The following SPECC1L variants were observed in gnomAD, a reference collection of about 807,000 sequenced individuals.
SPECC1L encodes sperm antigen with calponin homology and coiled-coil domains 1 like.
A neutral mutation model predicts 116.8 loss-of-function variants in SPECC1L; 40 were observed. That is an observed-to-expected ratio of 0.34 (90% CI 0.27 to 0.45). The LOEUF is 0.45. Ranked by LOEUF, SPECC1L falls within the 20% of genes least tolerant of loss-of-function variation. The pLI is 1.00. For synonymous variants in SPECC1L, 504 were observed against 500.6 expected, an observed-to-expected ratio of 1.01 and a Z score of -0.09; for missense variants, 1,110 against 1,373.6, an observed-to-expected ratio of 0.81 and a Z score of 3.03.
intron 8 of SPECC1L, among the ~76,000 whole-genome samples, 169 bp downstream of exon 8, chr22:24,330,600 A>G (rs1456401216): frequency 6.6e-6 from 1 of 152,228 alleles, no homozygotes; most frequent in East Asian, 1.9e-4. Context: ...CATGTAAACT[A>G]GTACCATCTA....
intron 3 of SPECC1L, among the ~76,000 whole-genome samples, chr22:24,310,468 C>A (rs1318687334): frequency 7.2e-5 from 11 of 152,190 alleles, no homozygotes; most frequent in Admixed American, 7.2e-4. Context: ...CAAGGTGCAT[C>A]CCATCAGCAA....
At chr22:24,383,655 T>A (rs1482939649) in intron 14 of SPECC1L, among the ~76,000 whole-genome samples, 1 of 152,056 alleles carries the variant, frequency 6.6e-6, no homozygotes, top group East Asian at 1.9e-4. Context: ...TTGATTTTAT[T>A]TTTTGAGACA....
intron 11 of SPECC1L, among the ~76,000 whole-genome samples, chr22:24,351,432 A>ATT (rs1236924354): frequency 6.6e-6 from 1 of 152,228 alleles, no homozygotes; most frequent in Non-Finnish European, 1.5e-5. Flanking sequence ...TTAAGATTCT[A>ATT]TTCCTGGCTC....
At chr22:24,392,916 G>C (rs143968413) in intron 14 of SPECC1L, among the ~76,000 whole-genome samples, 42 of 152,242 alleles carry the variant, frequency 2.8e-4, no homozygotes, top group African/African-American at 9.6e-4. Flanking sequence ...CTAGACCTGT[G>C]GCCAGAGCAC....
chr22:24,364,066 A>G (rs1239558382), intron 12 of SPECC1L, among the ~76,000 whole-genome samples: 1 of 152,144 alleles, frequency 6.6e-6, no homozygotes, highest in East Asian at 1.9e-4. Context: ...CTGAGGTGAG[A>G]AAGAATCTGA....
At chr22:24,327,845 TG>T (rs1466652232) in intron 6 of SPECC1L, among the ~76,000 whole-genome samples, 6 of 152,250 alleles carry the variant, frequency 3.9e-5, no homozygotes, top group African/African-American at 1.4e-4. Flanking sequence ...TGTCGAGATG[TG>T]GTAATATTGG....
chr22:24,272,492 G>C (rs890676159), intron 1 of SPECC1L, among the ~76,000 whole-genome samples: 1 of 152,140 alleles, frequency 6.6e-6, no homozygotes, highest in African/African-American at 2.4e-5. Flanking sequence ...GGCCAACATG[G>C]TGAAACCCCG....
chr22:24,346,026 A>G (rs1265249411), intron 10 of SPECC1L, among the ~76,000 whole-genome samples: 1 of 144,204 alleles, frequency 6.9e-6, no homozygotes, highest in African/African-American at 2.6e-5. Flanking sequence ...TTTTTTTTTG[A>G]GATGGAGTCT....
intron 11 of SPECC1L, among the ~76,000 whole-genome samples, chr22:24,348,742 C>T (rs2041355542): frequency 6.6e-6 from 1 of 152,232 alleles, no homozygotes; most frequent in African/African-American, 2.4e-5. Context: ...CTTGCCATGG[C>T]CTGGCTGTTA....
At chr22:24,347,205 C>G (rs1455337998) in intron 11 of SPECC1L, 29 bp downstream of exon 11, 5 of 1,561,898 alleles carry the variant, frequency 3.2e-6, no homozygotes, top group Non-Finnish European at 4.4e-6. Flanking sequence ...AGCATTTCAC[C>G]TTTTTTTCAA....
At chr22:24,277,110 T>G (rs995640718) in intron 2 of SPECC1L, among the ~76,000 whole-genome samples, 2 of 152,206 alleles carry the variant, frequency 1.3e-5, no homozygotes, top group African/African-American at 4.8e-5. Flanking sequence ...ACTTACTGGG[T>G]TTTTCAACCC....
intron 3 of SPECC1L, among the ~76,000 whole-genome samples, chr22:24,303,853 G>A (rs1473398470): frequency 8.0e-6 from 1 of 125,636 alleles, no homozygotes; most frequent in African/African-American, 2.9e-5. Context: ...GGGTGTGTGT[G>A]TGTGTGTGTG....
At chr22:24,286,011 C>A (rs114249267) in intron 2 of SPECC1L, among the ~76,000 whole-genome samples, 65 of 152,312 alleles carry the variant, frequency 4.3e-4, no homozygotes, top group African/African-American at 1.5e-3. Context: ...TTTATTTAAG[C>A]TAAAATAATC....
rs777425631 is a variant in SPECC1L at position 24,302,245 on chromosome 22, G to T, written c.14G>T (p.Ser5Ile). The T allele has an allele frequency of 1.2e-6, 2 of 1,614,096 alleles. No individual in the cohort carries two copies. Among genetic ancestry groups the T allele is most frequent in the Admixed American group, 1.7e-5 (1 of 60,022 alleles). The change falls in exon 3 of 17, where the codon AGC (serine) becomes ATC (isoleucine). Residue 5 changes from serine (S) to isoleucine (I), a missense_variant. Ser to Ile is a moderately radical substitution (Grantham distance 142). Around this residue, in one of 4 missense-constraint regions of SPECC1L, gnomAD observed 437 missense variants for 482.6 expected, o/e 0.91. Transcript: ENST00000314328. ...AGGCAGCCCAGAATGAAGAAAGCAA[G>T]CAGGAGTGTTGGCTCAGTGCCTAAA... The part of the protein sequence containing the change: MKKA[S>I]RSVGSVPKVS...
At chr22:24,311,482 C>T (rs1415758855) in intron 3 of SPECC1L, among the ~76,000 whole-genome samples, 1 of 152,050 alleles carries the variant, frequency 6.6e-6, no homozygotes, top group Admixed American at 6.6e-5. Flanking sequence ...TAGTTGATGG[C>T]CAGTTTTTGT....
chr22:24,379,207 C>G (rs926342853), intron 14 of SPECC1L, among the ~76,000 whole-genome samples: 3 of 150,852 alleles, frequency 2.0e-5, no homozygotes, highest in African/African-American at 7.3e-5. Context: ...GATCTTCTCT[C>G]TATTAAAATT....
chr22:24,317,358 A>T, intron 4 of SPECC1L, among the ~76,000 whole-genome samples: 1 of 98,964 alleles, frequency 1.0e-5, no homozygotes, highest in African/African-American at 3.7e-5. Flanking sequence ...GGCCGGGCAG[A>T]GGGGCTCCTC....
intron 2 of SPECC1L, among the ~76,000 whole-genome samples, chr22:24,281,930 C>G (rs2048951285): frequency 6.6e-6 from 1 of 152,198 alleles, no homozygotes; most frequent in Admixed American, 6.5e-5. Flanking sequence ...GCAGAGCCTG[C>G]TGGGTGGGAG....
chr22:24,339,852 G>A lies in SPECC1L; in HGVS notation c.2652+1375G>A, dbSNP rs115847834. 9.5e-3 allele frequency among the ~76,000 whole-genome samples: 1,445 copies of A among 152,120 alleles called. 24 individuals carry two copies. The highest frequency in any genetic ancestry group is 0.033 in the African/African-American group (1,352 of 41,496). ...GATTGGAGTGTAGTTGCATGATCTC[G>A]GCTCACTGCACAACCTCTGCCTCCC... On this transcript the variant is annotated intron_variant, in intron 10 of 16. Coordinates refer to ENST00000314328, the MANE Select transcript of SPECC1L (RefSeq NM_015330.6).
Sources: gnomAD v4.1 joint callset for allele counts (sites outside exome capture counted in the v4.1 genomes callset) on GRCh38, gnomAD v4.1.1 for gene constraint, gnomAD v4.1.1 regional missense constraint, MANE v1.5 for transcripts, NCBI Gene and HGNC (gene_info 2026-07-23, HGNC 2026-07-21) for gene names.